ADAMTS6: variants seen among roughly 807,000 people sequenced by gnomAD.
ADAMTS6 encodes the protein ADAM metallopeptidase with thrombospondin type 1 motif 6, also known as A disintegrin and metalloproteinase with thrombospondin motifs 6.
A neutral mutation model predicts 144.3 loss-of-function variants in ADAMTS6; 23 were observed. That is an observed-to-expected ratio of 0.16 (90% CI 0.11 to 0.23). The LOEUF (loss-of-function observed/expected upper bound fraction) is 0.23. Among genes scored for constraint, ADAMTS6 ranks in the 10% least tolerant of loss-of-function variants. The probability of loss-of-function intolerance (pLI) is 1.00; values close to 1 mark genes in which losing one functional copy is unlikely to be tolerated. For missense variants in ADAMTS6, 999 were observed against 1,379.6 expected, an observed-to-expected ratio of 0.72 and a Z score of 4.37; for synonymous variants, 444 against 457.5, an observed-to-expected ratio of 0.97 and a Z score of 0.38.
chr5:65,178,882 C>A (rs1056831062), intron 22 of ADAMTS6, among the ~76,000 whole-genome samples: 2 of 152,192 alleles, frequency 1.3e-5, no homozygotes, highest in Non-Finnish European at 2.9e-5. Flanking sequence ...ACCTTGCTCC[C>A]GGTATCAGAG....
chr5:65,477,483 A>C (rs566088384), intron 1 of ADAMTS6, among the ~76,000 whole-genome samples: 1 of 152,164 alleles, frequency 6.6e-6, no homozygotes, highest in Non-Finnish European at 1.5e-5. Flanking sequence ...CTCTTTTTGT[A>C]AATTGTTACA....
At chr5:65,394,556 A>C (rs1269043466) in intron 7 of ADAMTS6, among the ~76,000 whole-genome samples, 1 of 152,246 alleles carries the variant, frequency 6.6e-6, no homozygotes, top group Admixed American at 6.5e-5. Context: ...ATAATGAATA[A>C]TAACATGGAT....
In ADAMTS6 at chr5:65,150,122, G is replaced by A. The variant is rs1039964470; in HGVS notation, c.*1714C>T. ...AGCCTAGTCATCTGCATTAGATCAT[G>A]ATATATGTGATGCACTGACATGTAA... is the stretch of plus-strand genomic sequence containing the variant. On this transcript the variant is annotated 3_prime_UTR_variant, in exon 25 of 25. Coordinates refer to ENST00000381055, the MANE Select transcript of ADAMTS6 (RefSeq NM_197941.4). 5.9e-5 allele frequency: 9 copies of A among 152,336 alleles called. No homozygotes were observed. The highest frequency in any genetic ancestry group is 2.2e-4 in the African/African-American group (9 of 41,458). The allele number at this position is 152,336 out of a possible 1,614,324, so 9.4% of individuals were successfully genotyped here.
At chr5:65,460,432 T>G in intron 3 of ADAMTS6, 94 bp from the exon 4 acceptor site, 1 of 1,174,816 alleles carries the variant, frequency 8.5e-7, no homozygotes. Context: ...TGGACACTTC[T>G]CCATTTACAG....
At chr5:65,423,996 G>C (rs1463262701) in intron 7 of ADAMTS6, among the ~76,000 whole-genome samples, 1 of 150,900 alleles carries the variant, frequency 6.6e-6, no homozygotes, top group Non-Finnish European at 1.5e-5. Context: ...AAAAAACATT[G>C]GCAGCATTTA....
Position 65,452,898 on chromosome 5 carries a change from G to T in ADAMTS6, c.652C>A (p.Pro218Thr). 1 of 1,613,424 alleles carries T rather than the reference G, an allele frequency of 6.2e-7. No homozygotes were observed. Among genetic ancestry groups the T allele is most frequent in the Non-Finnish European group, 8.5e-7 (1 of 1,179,674 alleles). ...GTGGATGTGTCATTCAGCCACCAAG[G>T]TTTGCCACTTCTTGTGAAATCTACA... Reference protein sequence around the residue: ...GVSDFTRSGKPWWLNDTSTVS... With the variant: ...GVSDFTRSGKTWWLNDTSTVS... The change falls in exon 5 of 25, where the codon CCT (proline) becomes ACT (threonine). Residue 218 changes from proline (P) to threonine (T), a missense_variant. Around this residue, in one of 3 missense-constraint regions of ADAMTS6, gnomAD observed 252 missense variants for 293.7 expected, o/e 0.86. Transcript: ENST00000381055.
intron 9 of ADAMTS6, among the ~76,000 whole-genome samples, chr5:65,317,430 C>CTTAA (rs1745118494): frequency 6.6e-6 from 1 of 152,100 alleles, no homozygotes; most frequent in Admixed American, 6.5e-5. Flanking sequence ...CTTAATTAAA[C>CTTAA]CTAAGACCCC....
chr5:65,382,306 G>A (rs527609921), intron 7 of ADAMTS6, among the ~76,000 whole-genome samples: 1 of 152,208 alleles, frequency 6.6e-6, no homozygotes, highest in South Asian at 2.1e-4. Context: ...TTTAGATAAG[G>A]TATTAGTCAT....
At position 65,197,013 on chromosome 5, in the gene ADAMTS6, C is replaced by G. The variant is rs1287013370; in HGVS notation, c.2705+9G>C. On this transcript the variant is annotated intron_variant, in intron 21 of 24. Coordinates refer to ENST00000381055, the MANE Select transcript of ADAMTS6 (RefSeq NM_197941.4). ...AAGAAAATAATTCTCATTTCTTTCC[C>G]TTACTTACTCAGGTGGGCAGGGCTC... 1 of 1,602,478 alleles carries G rather than the reference C, an allele frequency of 6.2e-7. No homozygotes were observed. The highest frequency in any genetic ancestry group is 8.5e-7 in the Non-Finnish European group (1 of 1,175,586).
At position 65,199,976 on chromosome 5, in the gene ADAMTS6, G is replaced by A. The variant is rs114547461; in HGVS notation, c.2576-2825C>T. Among the ~76,000 whole-genome samples, 786 of 152,216 alleles carry A rather than the reference G, an allele frequency of 5.2e-3. 5 individuals are homozygous for A. Among genetic ancestry groups the A allele is most frequent in the African/African-American group, 0.018 (749 of 41,552 alleles). On this transcript the variant is annotated intron_variant, in intron 20 of 24. Transcript: ENST00000381055. ...AAGTAAAAATTAAAGTCCTTGAATAGACAGCTGAAATTGCTCTATATTTTA... is the reference window on the plus strand; with the variant it reads ...AAGTAAAAATTAAAGTCCTTGAATAAACAGCTGAAATTGCTCTATATTTTA...
At chr5:65,267,207 GA>G (rs1302119482) in intron 12 of ADAMTS6, among the ~76,000 whole-genome samples, 1 of 151,986 alleles carries the variant, frequency 6.6e-6, no homozygotes, top group African/African-American at 2.4e-5. Flanking sequence ...TTTTAAACTA[GA>G]AAAGTTAAAT....
At chr5:65,379,537 G>C (rs1015129825) in intron 7 of ADAMTS6, among the ~76,000 whole-genome samples, 5 of 152,154 alleles carry the variant, frequency 3.3e-5, no homozygotes, top group African/African-American at 4.8e-5. Context: ...CAGGCTGCCT[G>C]TGTGCATATT....
At chr5:65,402,769 C>A (rs961151125) in intron 7 of ADAMTS6, among the ~76,000 whole-genome samples, 4 of 151,934 alleles carry the variant, frequency 2.6e-5, no homozygotes, top group African/African-American at 9.7e-5. Flanking sequence ...TTTCCCCCGT[C>A]TCTCCTACAT....
intron 14 of ADAMTS6, among the ~76,000 whole-genome samples, chr5:65,243,726 A>C (rs751656288): frequency 2.0e-5 from 3 of 152,098 alleles, no homozygotes; most frequent in Non-Finnish European, 4.4e-5. Flanking sequence ...TTTTCAAGCT[A>C]TTTTTAGTGA....
intron 7 of ADAMTS6, among the ~76,000 whole-genome samples, chr5:65,377,247 C>T (rs1751652379): frequency 6.6e-6 from 1 of 152,182 alleles, no homozygotes; most frequent in Middle Eastern, 3.2e-3. Flanking sequence ...GTCCTCAAGG[C>T]ATTCAAGCAT....
At chr5:65,426,178 C>A (rs1457451146) in intron 7 of ADAMTS6, among the ~76,000 whole-genome samples, 3 of 151,764 alleles carry the variant, frequency 2.0e-5, no homozygotes, top group Admixed American at 6.6e-5. Flanking sequence ...TCCCAAGTAG[C>A]TGGGATTACA....
At chr5:65,164,171 CG>C in intron 24 of ADAMTS6, among the ~76,000 whole-genome samples, 1 of 151,926 alleles carries the variant, frequency 6.6e-6, no homozygotes, top group Non-Finnish European at 1.5e-5. Context: ...CCAGTGGGTG[CG>C]CGCACCGTGC....
intron 9 of ADAMTS6, among the ~76,000 whole-genome samples, chr5:65,326,092 T>C (rs887880018): frequency 3.3e-5 from 5 of 152,118 alleles, no homozygotes; most frequent in African/African-American, 1.2e-4. Context: ...TATGCATTCA[T>C]AACCAAAAAA....
chr5:65,291,739 T>C (rs1463000938), intron 10 of ADAMTS6, among the ~76,000 whole-genome samples: 1 of 152,138 alleles, frequency 6.6e-6, no homozygotes, highest in East Asian at 1.9e-4. Context: ...AGCTAATTTC[T>C]CAAGGAATCA....
Sources: allele counts gnomAD v4.1 joint callset (sites outside exome capture counted in the v4.1 genomes callset), GRCh38; gene constraint gnomAD v4.1.1; regional missense constraint gnomAD v4.1.1; transcripts MANE v1.5; gene names NCBI Gene and HGNC (gene_info 2026-07-23, HGNC 2026-07-21).